Variants in NRG3 observed in about 807,000 individuals in gnomAD.
NRG3 encodes the protein neuregulin 3.
NRG3 carries 31 observed loss-of-function variants against 66.9 expected under a neutral mutation model. That is an observed-to-expected ratio of 0.46 (90% CI 0.35 to 0.63). The LOEUF (loss-of-function observed/expected upper bound fraction) is 0.63, where lower values mean the gene tolerates loss of function less well. Ranked by LOEUF, NRG3 falls within the 20% of genes least tolerant of loss-of-function variation. NRG3 has a pLI of 0.00. For missense variants in NRG3, 910 were observed against 878.9 expected (o/e 1.04, Z -0.45); for synonymous variants, 393 against 359.4 (o/e 1.09, Z -1.06).
At chr10:82,115,148 A>C (rs1199285915) in intron 1 of NRG3, among the ~76,000 whole-genome samples, 1 of 152,010 alleles carries the variant, frequency 6.6e-6, no homozygotes, top group African/African-American at 2.4e-5. Context: ...TGCTCCTCCT[A>C]CATCTCTTCT....
chr10:82,167,123 T>G (rs1275638090), intron 1 of NRG3, among the ~76,000 whole-genome samples: 3 of 152,122 alleles, frequency 2.0e-5, no homozygotes, highest in Non-Finnish European at 4.4e-5. Flanking sequence ...TGGCTTCTAT[T>G]TCAACTGATT....
intron 3 of NRG3, among the ~76,000 whole-genome samples, chr10:82,760,369 A>T (rs1244294790): frequency 6.6e-6 from 1 of 152,204 alleles, no homozygotes. Context: ...TTCATAAGAG[A>T]ATTGTCAGCA....
chr10:82,333,454 G>A (rs1397488230), intron 1 of NRG3, among the ~76,000 whole-genome samples: 2 of 152,190 alleles, frequency 1.3e-5, no homozygotes, highest in Non-Finnish European at 2.9e-5. Flanking sequence ...AGATTAAAGA[G>A]TTACTGCTAC....
chr10:82,708,262 A>G (rs762550465), intron 2 of NRG3, among the ~76,000 whole-genome samples: 1 of 151,940 alleles, frequency 6.6e-6, no homozygotes, highest in African/African-American at 2.4e-5. Flanking sequence ...CCCTCTGACT[A>G]TGGTTATAGG....
chr10:82,272,517 T>C (rs2078649743), intron 1 of NRG3, among the ~76,000 whole-genome samples: 1 of 152,048 alleles, frequency 6.6e-6, no homozygotes. Flanking sequence ...TCTAACCTTA[T>C]AAAGAATTTG....
Position 82,700,284 on chromosome 10 carries a change from G to T in NRG3, c.954-38293G>T, listed in dbSNP as rs186256896. Reference sequence around the variant, plus strand: ...AATAATGTAAGTCTTGTCACTCGAGGAGACTTGGACATATTAAAAGAGTTT... The same window carrying T: ...AATAATGTAAGTCTTGTCACTCGAGTAGACTTGGACATATTAAAAGAGTTT... On this transcript the variant is annotated intron_variant, in intron 2 of 8. Transcript: ENST00000372141. Among the ~76,000 whole-genome samples, 332 of 152,196 alleles carry T rather than the reference G, an allele frequency of 2.2e-3. 2 individuals carry two copies. Among genetic ancestry groups the T allele is most frequent in the African/African-American group, 4.3e-3 (180 of 41,520 alleles).
At chr10:81,964,301 A>G (rs1312082227) in intron 1 of NRG3, among the ~76,000 whole-genome samples, 1 of 151,260 alleles carries the variant, frequency 6.6e-6, no homozygotes, top group Non-Finnish European at 1.5e-5. Context: ...AGCTGCATAG[A>G]AGGAGAATCA....
chr10:82,628,731 G>A (rs955943885), intron 2 of NRG3, among the ~76,000 whole-genome samples: 1 of 152,162 alleles, frequency 6.6e-6, no homozygotes, highest in Non-Finnish European at 1.5e-5. Flanking sequence ...TGGAAGCTCT[G>A]TCATTTCAGG....
At chr10:82,630,951 G>A (rs1033058425) in intron 2 of NRG3, among the ~76,000 whole-genome samples, 26 of 152,054 alleles carry the variant, frequency 1.7e-4, no homozygotes, top group South Asian at 2.1e-4. Flanking sequence ...GCTAGCCTGG[G>A]ATTATTGAGT....
intron 2 of NRG3, among the ~76,000 whole-genome samples, chr10:82,710,436 A>G (rs1298016331): frequency 6.6e-6 from 1 of 152,048 alleles, no homozygotes; most frequent in Non-Finnish European, 1.5e-5. Flanking sequence ...AATTACAAAA[A>G]TTAGCCAGGC....
chr10:82,622,223 T>G (rs1306769061), intron 2 of NRG3, among the ~76,000 whole-genome samples: 2 of 151,614 alleles, frequency 1.3e-5, no homozygotes, highest in Non-Finnish European at 2.9e-5. Context: ...ACTATTTTTT[T>G]GCAGTGATGG....
chr10:82,443,713 C>G (rs2090562308), intron 2 of NRG3, among the ~76,000 whole-genome samples: 1 of 152,132 alleles, frequency 6.6e-6, no homozygotes, highest in South Asian at 2.1e-4. Context: ...GCCAAGGGAG[C>G]ATCTAGGAGG....
intron 1 of NRG3, among the ~76,000 whole-genome samples, chr10:82,063,508 A>G (rs1173834682): frequency 2.0e-5 from 1 of 48,930 alleles, no homozygotes; most frequent in African/African-American, 9.7e-5. Context: ...AGGCAGGAAA[A>G]GATCTTTTTT....
At chr10:82,198,347 A>G (rs1024761756) in intron 1 of NRG3, among the ~76,000 whole-genome samples, 1 of 152,190 alleles carries the variant, frequency 6.6e-6, no homozygotes, top group South Asian at 2.1e-4. Flanking sequence ...TTAGTGAGGT[A>G]GAACAAAATA....
intron 1 of NRG3, among the ~76,000 whole-genome samples, chr10:81,981,864 C>T (rs575854873): frequency 2.0e-5 from 3 of 152,232 alleles, no homozygotes; most frequent in African/African-American, 2.4e-5. Flanking sequence ...TAGTCCAAGC[C>T]GACAGTGTTT....
At chr10:82,976,984 T>C (rs902625864) in intron 7 of NRG3, among the ~76,000 whole-genome samples, 1 of 152,162 alleles carries the variant, frequency 6.6e-6, no homozygotes, top group Non-Finnish European at 1.5e-5. Context: ...CGAACACTTA[T>C]CACACTTTTG....
intron 1 of NRG3, among the ~76,000 whole-genome samples, chr10:82,176,709 T>TC (rs1360070630): frequency 6.6e-6 from 1 of 152,036 alleles, no homozygotes; most frequent in African/African-American, 2.4e-5. Flanking sequence ...CAACATGGCA[T>TC]CCCCTGATCC....
chr10:82,915,551 C>T (rs1032239915), intron 4 of NRG3, among the ~76,000 whole-genome samples: 5 of 151,988 alleles, frequency 3.3e-5, no homozygotes, highest in African/African-American at 1.2e-4. Flanking sequence ...TTTGCATATT[C>T]CCTTAAGAAT....
At chr10:82,681,578 C>T (rs1293753930) in intron 2 of NRG3, among the ~76,000 whole-genome samples, 1 of 152,132 alleles carries the variant, frequency 6.6e-6, no homozygotes, top group Non-Finnish European at 1.5e-5. Flanking sequence ...TAATATTCTC[C>T]TGAAGTAAAT....
Sources: allele counts gnomAD v4.1 joint callset (sites outside exome capture counted in the v4.1 genomes callset), GRCh38; gene constraint gnomAD v4.1.1; transcripts MANE v1.5; gene names NCBI Gene and HGNC (gene_info 2026-07-23, HGNC 2026-07-21).